Variants in MAP4K3 observed in about 807,000 individuals in gnomAD.
MAP4K3 encodes the protein mitogen-activated protein kinase kinase kinase kinase 3, also known as MAPK/ERK kinase kinase kinase 3.
MAP4K3 carries 94 observed loss-of-function variants against 143.5 expected under a neutral mutation model. The ratio of observed to expected loss-of-function variants is 0.65; its 90% CI spans 0.55 to 0.78. The LOEUF is 0.78. Ranked by LOEUF, MAP4K3 falls within the 30% of genes least tolerant of loss-of-function variation. MAP4K3 has a pLI of 0.00. For synonymous variants in MAP4K3, 416 were observed against 347.2 expected (o/e 1.20, Z -2.20); for missense variants, 1,077 against 1,068.1 (o/e 1.01, Z -0.12).
chr2:39,337,465 C>T (rs992950179), intron 5 of MAP4K3, 61 bp downstream of exon 5: 9 of 1,232,720 alleles, frequency 7.3e-6, no homozygotes, highest in African/African-American at 1.5e-5. Context: ...ACAGGTAATG[C>T]ACAGTAAGTA....
At chr2:39,330,162 G>A (rs999416542) in intron 8 of MAP4K3, among the ~76,000 whole-genome samples, 1 of 151,930 alleles carries the variant, frequency 6.6e-6, no homozygotes, top group Non-Finnish European at 1.5e-5. Context: ...GGATTATAAA[G>A]CACAAATGCC....
chr2:39,337,556 T>G lies in MAP4K3; in HGVS notation c.336A>C (p.Gln112His). 6.2e-7 allele frequency: 1 copy of G among 1,611,942 alleles called. No individual in the cohort carries two copies. The highest frequency in any genetic ancestry group is 8.5e-7 in the Non-Finnish European group (1 of 1,178,480). Residue 112 changes from glutamine to histidine, a missense_variant, in exon 5 of 34, where the codon CAA becomes CAC. Gln to His is a conservative substitution (Grantham distance 24, BLOSUM62 0). Around this residue, in one of 2 missense-constraint regions of MAP4K3, gnomAD observed 213 missense variants for 266.8 expected, o/e 0.80. Transcript: ENST00000263881. ...GTGTTTCTCTGCTAACATATGCAAT[T>G]TGCAGTTCTGACAGAGGTCCAGTTA... is the stretch of plus-strand genomic sequence containing the variant. ...YHVTGPLSEL[Q>H]IAYVSRETLQ...
chr2:39,430,666 C>T (rs1265674837), intron 1 of MAP4K3, among the ~76,000 whole-genome samples: 3 of 152,170 alleles, frequency 2.0e-5, no homozygotes, highest in Non-Finnish European at 4.4e-5. Flanking sequence ...TGATAGCCTA[C>T]TGCTGTATTC....
At chr2:39,416,559 T>C (rs1259452431) in intron 1 of MAP4K3, among the ~76,000 whole-genome samples, 1 of 152,194 alleles carries the variant, frequency 6.6e-6, no homozygotes, top group African/African-American at 2.4e-5. Context: ...GCATGAACTA[T>C]TTTCCTCACA....
chr2:39,382,932 T>C (rs1471272607), intron 1 of MAP4K3, among the ~76,000 whole-genome samples: 1 of 152,052 alleles, frequency 6.6e-6, no homozygotes, highest in Admixed American at 6.5e-5. Flanking sequence ...AGGAAAAACA[T>C]ACAAAAGGGA....
At chr2:39,357,210 C>A (rs1022539597) in intron 2 of MAP4K3, among the ~76,000 whole-genome samples, 2 of 152,184 alleles carry the variant, frequency 1.3e-5, no homozygotes, top group African/African-American at 4.8e-5. Flanking sequence ...TGGAGAGAAA[C>A]AGAACTGCAG....
At chr2:39,423,868 G>A (rs1402956651) in intron 1 of MAP4K3, among the ~76,000 whole-genome samples, 1 of 152,202 alleles carries the variant, frequency 6.6e-6, no homozygotes, top group Non-Finnish European at 1.5e-5. Flanking sequence ...CACAGAAAAT[G>A]TGCAACACAG....
At chr2:39,294,713 G>C (rs7340455) in intron 16 of MAP4K3, among the ~76,000 whole-genome samples, 1 of 152,068 alleles carries the variant, frequency 6.6e-6, no homozygotes, top group Non-Finnish European at 1.5e-5. Context: ...AATTAATGTA[G>C]GTAAAGTGCC....
At chr2:39,364,295 A>C (rs1336113829) in intron 2 of MAP4K3, among the ~76,000 whole-genome samples, 1 of 152,208 alleles carries the variant, frequency 6.6e-6, no homozygotes, top group African/African-American at 2.4e-5. Flanking sequence ...AATTTCAGTC[A>C]CACAAGATGA....
chr2:39,310,038 C>A (rs756785680), intron 13 of MAP4K3, among the ~76,000 whole-genome samples: 16 of 152,056 alleles, frequency 1.1e-4, no homozygotes, highest in Non-Finnish European at 2.1e-4. Flanking sequence ...TTTTGATACA[C>A]GTGTACAATG....
intron 3 of MAP4K3, among the ~76,000 whole-genome samples, chr2:39,355,129 CT>C: frequency 6.6e-6 from 1 of 152,134 alleles, no homozygotes; most frequent in Non-Finnish European, 1.5e-5. Context: ...CTATGGGAGG[CT>C]GAGGCAGGCA....
chr2:39,274,424 G>T (rs1283023090), intron 24 of MAP4K3, among the ~76,000 whole-genome samples: 3 of 151,942 alleles, frequency 2.0e-5, no homozygotes, highest in African/African-American at 7.3e-5. Flanking sequence ...GTTTCACCGT[G>T]TTAGCCAGGA....
At position 39,265,294 on chromosome 2, in the gene MAP4K3, T is replaced by A. The variant is rs202078322; in HGVS notation, c.2045A>T (p.Tyr682Phe). 10 of 1,609,452 alleles carry A rather than the reference T, an allele frequency of 6.2e-6. No individual in the cohort carries two copies. In the East Asian group the frequency reaches 2.2e-4, roughly 36 times the overall value. Reference protein sequence around the residue: ...CQKCCVVRNPYTGHKYLCGAL... With the variant: ...CQKCCVVRNPFTGHKYLCGAL... The stretch of plus-strand genomic sequence containing the variant: ...TCCACATAGGTATTTATGGCCCGTG[T>A]AAGGATTTCTTACTGTCAAAGCAAA... Residue 682 changes from tyrosine (Y) to phenylalanine (F), a missense_variant, in exon 28 of 34, where the codon TAC becomes TTC. Tyr to Phe is a conservative substitution (Grantham distance 22). This residue lies in a region of MAP4K3 where 864 missense variants were observed against 801.2 expected (regional missense o/e 1.08). Coordinates refer to ENST00000263881, the MANE Select transcript of MAP4K3 (RefSeq NM_003618.4).
chr2:39,380,583 C>A (rs934582794), intron 1 of MAP4K3, among the ~76,000 whole-genome samples: 3 of 151,986 alleles, frequency 2.0e-5, no homozygotes, highest in African/African-American at 7.2e-5. Flanking sequence ...AATGTTCATA[C>A]TTGTGAAGGG....
At chr2:39,378,194 GCTTA>G (rs1334497079) in intron 1 of MAP4K3, 71 bp from the exon 2 acceptor site, 9 of 775,720 alleles carry the variant, frequency 1.2e-5, no homozygotes, top group East Asian at 2.8e-5. Flanking sequence ...TTTCACTTTA[GCTTA>G]CTGTTTTCAG....
At chr2:39,291,154 T>G (rs1682029651) in intron 18 of MAP4K3, among the ~76,000 whole-genome samples, 1 of 152,198 alleles carries the variant, frequency 6.6e-6, no homozygotes, top group South Asian at 2.1e-4. Context: ...CACAAAGAAA[T>G]GATAAATGTT....
At chr2:39,343,288 G>A in intron 4 of MAP4K3, 100 bp downstream of exon 4, 4 of 777,590 alleles carry the variant, frequency 5.1e-6, no homozygotes, top group Admixed American at 2.6e-5. Flanking sequence ...ATAAAACATA[G>A]CTTGCTTTCC....
At chr2:39,419,112 T>C (rs1324403601) in intron 1 of MAP4K3, among the ~76,000 whole-genome samples, 2 of 152,098 alleles carry the variant, frequency 1.3e-5, no homozygotes, top group African/African-American at 4.8e-5. Flanking sequence ...ATATAGTAAG[T>C]GAAATATTTT....
intron 1 of MAP4K3, among the ~76,000 whole-genome samples, chr2:39,390,844 C>T (rs1666632043): frequency 6.6e-6 from 1 of 151,950 alleles, no homozygotes; most frequent in African/African-American, 2.4e-5. Context: ...GTAACTCAAT[C>T]CACAACCTAA....
Sources: gnomAD v4.1 joint callset for allele counts (sites outside exome capture counted in the v4.1 genomes callset) on GRCh38, gnomAD v4.1.1 for gene constraint, gnomAD v4.1.1 regional missense constraint, MANE v1.5 for transcripts, NCBI Gene and HGNC (gene_info 2026-07-23, HGNC 2026-07-21) for gene names.